The following PDGFD variants were observed in gnomAD, a reference collection of about 807,000 sequenced individuals.
The protein encoded by PDGFD is platelet-derived growth factor D.
PDGFD carries 30 observed loss-of-function variants against 44.7 expected under a neutral mutation model. That is an observed-to-expected ratio of 0.67 (90% confidence interval 0.50 to 0.91). PDGFD has a LOEUF of 0.91. PDGFD is among the 40% of genes least tolerant of loss of function. PDGFD has a pLI of 0.00. For synonymous variants in PDGFD, 173 were observed against 168.4 expected, an observed-to-expected ratio of 1.03 and a Z score of -0.21; for missense variants, 445 against 457.8, an observed-to-expected ratio of 0.97 and a Z score of 0.25.
intron 1 of PDGFD, chr11:104,037,070 G>C (rs776633894): frequency 6.2e-7 from 1 of 1,614,194 alleles, no homozygotes; most frequent in Non-Finnish European, 8.5e-7. Context: ...GTGGGACCTC[G>C]GGCTCCAGGG....
At chr11:104,042,632 T>C (rs1860375450) in intron 1 of PDGFD, among the ~76,000 whole-genome samples, 2 of 152,226 alleles carry the variant, frequency 1.3e-5, no homozygotes, top group African/African-American at 2.4e-5. Flanking sequence ...TAGGAGGCAA[T>C]GTGGGCTATG....
At chr11:104,119,535 T>TATATG (rs1555055572) in intron 1 of PDGFD, among the ~76,000 whole-genome samples, 1 of 54,272 alleles carries the variant, frequency 1.8e-5, no homozygotes, top group African/African-American at 8.7e-5. Context: ...ATTGATATAA[T>TATATG]ATATAATATA....
At chr11:104,000,901 G>C (rs1171142908) in intron 1 of PDGFD, among the ~76,000 whole-genome samples, 1 of 152,094 alleles carries the variant, frequency 6.6e-6, no homozygotes, top group Non-Finnish European at 1.5e-5. Context: ...TTTTGTACTG[G>C]GTTCTTGGAA....
intron 1 of PDGFD, among the ~76,000 whole-genome samples, chr11:104,094,599 C>G (rs1446992009): frequency 3.0e-4 from 46 of 152,148 alleles, no homozygotes; most frequent in Admixed American, 3.0e-3. Context: ...AGTGCTCAAT[C>G]TTGAAGTACC....
chr11:104,152,707 CA>C (rs1862262730), intron 1 of PDGFD, among the ~76,000 whole-genome samples: 1 of 151,932 alleles, frequency 6.6e-6, no homozygotes, highest in African/African-American at 2.4e-5. Context: ...GAAAATTCTC[CA>C]TATTTCACTG....
intron 6 of PDGFD, among the ~76,000 whole-genome samples, chr11:103,924,347 T>C (rs1299637928): frequency 6.6e-6 from 1 of 152,238 alleles, no homozygotes; most frequent in East Asian, 1.9e-4. Context: ...CCTTGGGGTA[T>C]GATTAAAGGT....
At chr11:104,155,890 C>G (rs763047669) in intron 1 of PDGFD, among the ~76,000 whole-genome samples, 7 of 152,278 alleles carry the variant, frequency 4.6e-5, no homozygotes, top group Non-Finnish European at 8.8e-5. Context: ...TCAACCCCTG[C>G]TTCACAGCTC....
intron 1 of PDGFD, among the ~76,000 whole-genome samples, chr11:104,100,881 G>T (rs1483126780): frequency 1.3e-5 from 2 of 151,992 alleles, no homozygotes; most frequent in Non-Finnish European, 2.9e-5. Context: ...TGCAGAAAAG[G>T]CCTTTGACAA....
At chr11:104,131,918 C>G (rs985441701) in intron 1 of PDGFD, among the ~76,000 whole-genome samples, 1 of 148,658 alleles carries the variant, frequency 6.7e-6, no homozygotes, top group Admixed American at 6.8e-5. Context: ...AGAGATAAAA[C>G]TGACAAGTGG....
Position 103,907,406 on chromosome 11 carries a change from G to A in PDGFD, c.*2288C>T, listed in dbSNP as rs1254986217. The A allele has an allele frequency of 2.0e-5, 3 of 152,164 alleles. No individual in the cohort carries two copies. Among genetic ancestry groups the A allele is most frequent in the African/African-American group, 7.2e-5 (3 of 41,442 alleles). The allele number at this position is 152,164 out of a possible 1,614,324, so 9.4% of individuals were successfully genotyped here. A position where few individuals can be genotyped will look rare whatever the true frequency, so the allele number is the denominator to read the frequency against. ...CGGAAATGTGGATTTATTAGGGTTT[G>A]TTTTGAAATGTAATTTGTACGGCCA... On this transcript the variant is annotated 3_prime_UTR_variant, in exon 7 of 7. Coordinates refer to ENST00000393158, the MANE Select transcript of PDGFD (RefSeq NM_025208.5).
chr11:103,971,849 T>C (rs1187172911), intron 3 of PDGFD, among the ~76,000 whole-genome samples: 4 of 152,180 alleles, frequency 2.6e-5, no homozygotes, highest in African/African-American at 7.2e-5. Context: ...GTTAATTATA[T>C]CAATTTCAAA....
At chr11:103,910,988 C>T (rs1858020298) in intron 6 of PDGFD, among the ~76,000 whole-genome samples, 1 of 152,232 alleles carries the variant, frequency 6.6e-6, no homozygotes, top group Admixed American at 6.5e-5. Context: ...TGGGGCGGAG[C>T]CCACCGCAGC....
intron 1 of PDGFD, among the ~76,000 whole-genome samples, chr11:104,145,044 G>C (rs1862144058): frequency 2.0e-5 from 3 of 152,120 alleles, no homozygotes; most frequent in Admixed American, 2.0e-4. Context: ...CCCTGATATT[G>C]TGCTAAATAA....
At chr11:104,000,320 A>C in intron 1 of PDGFD, 65 bp from the exon 2 acceptor site, 3 of 1,367,124 alleles carry the variant, frequency 2.2e-6, no homozygotes, top group Non-Finnish European at 2.1e-6. Context: ...TCAAAAAAAG[A>C]GAACAGTTTA....
At chr11:104,106,976 C>A (rs1001904645) in intron 1 of PDGFD, among the ~76,000 whole-genome samples, 3 of 152,038 alleles carry the variant, frequency 2.0e-5, no homozygotes, top group Non-Finnish European at 4.4e-5. Flanking sequence ...AACTCCTGAC[C>A]TCAAGTGATC....
At chr11:104,117,561 A>G (rs1396953499) in intron 1 of PDGFD, among the ~76,000 whole-genome samples, 2 of 152,024 alleles carry the variant, frequency 1.3e-5, no homozygotes. Flanking sequence ...AATGTACACA[A>G]ATTAGTAGCT....
chr11:104,138,736 T>C (rs1489142184), intron 1 of PDGFD, among the ~76,000 whole-genome samples: 1 of 152,192 alleles, frequency 6.6e-6, no homozygotes. Context: ...ACTTTATACT[T>C]ACAGTATTAA....
intron 1 of PDGFD, among the ~76,000 whole-genome samples, chr11:104,091,922 G>C (rs188648231): frequency 1.1e-4 from 17 of 152,236 alleles, no homozygotes; most frequent in Admixed American, 6.5e-4. Context: ...TAAAGGAGAA[G>C]CTGACATTAT....
chr11:103,951,497 T>C (rs1433439533), intron 3 of PDGFD, among the ~76,000 whole-genome samples: 1 of 152,244 alleles, frequency 6.6e-6, no homozygotes, highest in African/African-American at 2.4e-5. Flanking sequence ...TTTCCATTGC[T>C]CTTAGAATTT....
Sources: allele counts gnomAD v4.1 joint callset (sites outside exome capture counted in the v4.1 genomes callset), GRCh38; gene constraint gnomAD v4.1.1; transcripts MANE v1.5; gene names NCBI Gene and HGNC (gene_info 2026-07-23, HGNC 2026-07-21).